Variants in FCHSD2 observed in about 807,000 individuals in gnomAD.
FCHSD2 encodes FCH and double SH3 domains 2.
FCHSD2 carries 38 observed loss-of-function variants against 108.1 expected under a neutral mutation model. That is an observed-to-expected ratio of 0.35 (90% CI 0.27 to 0.46). The LOEUF (loss-of-function observed/expected upper bound fraction) is 0.46, where lower values mean the gene tolerates loss of function less well. Among genes scored for constraint, FCHSD2 ranks in the 20% least tolerant of loss-of-function variants. The probability of loss-of-function intolerance (pLI) is 1.00; values close to 1 mark genes in which losing one functional copy is unlikely to be tolerated. For missense variants in FCHSD2, 751 were observed against 897.8 expected (o/e 0.84, Z 2.09); for synonymous variants, 279 against 314.7 (o/e 0.89, Z 1.20).
intron 13 of FCHSD2, among the ~76,000 whole-genome samples, chr11:72,861,530 T>C (rs972918434): frequency 6.6e-6 from 1 of 152,092 alleles, no homozygotes; most frequent in Admixed American, 6.5e-5. Context: ...TTTCAAATCA[T>C]TTGGAGACAA....
intron 14 of FCHSD2, among the ~76,000 whole-genome samples, chr11:72,846,970 C>T (rs1861162644): frequency 6.6e-6 from 1 of 152,018 alleles, no homozygotes; most frequent in Non-Finnish European, 1.5e-5. Context: ...TTTAATTATT[C>T]TCATTGAACT....
At chr11:72,986,904 A>C (rs1237920670) in intron 6 of FCHSD2, among the ~76,000 whole-genome samples, 1 of 152,158 alleles carries the variant, frequency 6.6e-6, no homozygotes, top group Non-Finnish European at 1.5e-5. Context: ...TTCAAAATTA[A>C]TGTTCCTTGG....
chr11:73,016,105 C>A (rs1046531127), intron 3 of FCHSD2, among the ~76,000 whole-genome samples: 3 of 152,094 alleles, frequency 2.0e-5, no homozygotes, highest in Non-Finnish European at 4.4e-5. Flanking sequence ...GAGTTTGAGA[C>A]CAGCTTGGCC....
intron 3 of FCHSD2, among the ~76,000 whole-genome samples, chr11:73,037,304 T>C (rs954215744): frequency 1.3e-5 from 2 of 152,182 alleles, no homozygotes; most frequent in Non-Finnish European, 2.9e-5. Flanking sequence ...CTGAAGTCCA[T>C]GGTTTACACT....
At chr11:72,970,268 A>G (rs1164402438) in intron 8 of FCHSD2, among the ~76,000 whole-genome samples, 2 of 152,186 alleles carry the variant, frequency 1.3e-5, no homozygotes, top group Non-Finnish European at 2.9e-5. Flanking sequence ...TTAACCAACA[A>G]TAAATATTAC....
At chr11:72,845,815 T>A (rs960465369) in intron 14 of FCHSD2, among the ~76,000 whole-genome samples, 3 of 152,210 alleles carry the variant, frequency 2.0e-5, no homozygotes, top group Non-Finnish European at 4.4e-5. Context: ...CCAGCTTCAG[T>A]ATATTTTTAT....
In FCHSD2 at chr11:72,948,200, G is replaced by A. The variant is rs145997556; in HGVS notation, c.706-26250C>T. Among the ~76,000 whole-genome samples, 1,374 of 152,160 alleles carry A rather than the reference G, an allele frequency of 9.0e-3. 16 individuals are homozygous for A. Among genetic ancestry groups the A allele is most frequent in the African/African-American group, 0.031 (1,302 of 41,506 alleles). On this transcript the variant is annotated intron_variant, in intron 8 of 19. Transcript: ENST00000409418. Reference sequence around the variant, plus strand: ...TTTTTGTATTTTTAGTAGAGATGGGGTTTTGCCATGTTGGCCAGGCTGGTC... The same window carrying A: ...TTTTTGTATTTTTAGTAGAGATGGGATTTTGCCATGTTGGCCAGGCTGGTC...
intron 5 of FCHSD2, among the ~76,000 whole-genome samples, chr11:72,993,027 A>T (rs867674476): frequency 4.6e-5 from 7 of 152,250 alleles, no homozygotes; most frequent in East Asian, 3.9e-4. Flanking sequence ...AGGGCTAATA[A>T]CCAGAATCTA....
intron 3 of FCHSD2, among the ~76,000 whole-genome samples, chr11:73,071,430 G>A (rs146880819): frequency 1.4e-3 from 209 of 151,980 alleles, no homozygotes; most frequent in African/African-American, 4.9e-3. Context: ...AGTGGCTCAC[G>A]CCTGTAATCC....
chr11:72,876,739 C>G (rs746081521), intron 12 of FCHSD2, among the ~76,000 whole-genome samples: 1 of 152,056 alleles, frequency 6.6e-6, no homozygotes, highest in Non-Finnish European at 1.5e-5. Context: ...TATTCTTGTT[C>G]TATCAATTAC....
At chr11:72,901,161 G>C (rs1251075960) in intron 10 of FCHSD2, among the ~76,000 whole-genome samples, 2 of 152,208 alleles carry the variant, frequency 1.3e-5, no homozygotes, top group Non-Finnish European at 2.9e-5. Context: ...GGAGACTAAA[G>C]TGGGTAGGTG....
chr11:73,000,762 T>C (rs1857610644), intron 5 of FCHSD2, among the ~76,000 whole-genome samples: 1 of 152,236 alleles, frequency 6.6e-6, no homozygotes, highest in Non-Finnish European at 1.5e-5. Flanking sequence ...CTAAAAAGTA[T>C]TTACTGAGCT....
chr11:73,115,518 C>T lies in FCHSD2; in HGVS notation c.119+24513G>A, dbSNP rs188264695. 2.6e-4 allele frequency among the ~76,000 whole-genome samples: 39 copies of T among 152,256 alleles called. 1 individual carries two copies. The East Asian group carries it at 5.0e-3, about 20-fold the overall frequency. ...CTTTTCCAACTCTATACTTTCGTGT[C>T]GTTTTCATGTCTTCTGGCACTGGAG... On this transcript the variant is annotated intron_variant, in intron 2 of 19. Coordinates refer to ENST00000409418, the MANE Select transcript of FCHSD2 (RefSeq NM_014824.3).
intron 10 of FCHSD2, among the ~76,000 whole-genome samples, chr11:72,894,700 T>G (rs1855384209): frequency 6.6e-6 from 1 of 152,176 alleles, no homozygotes; most frequent in Non-Finnish European, 1.5e-5. Context: ...CCCACAATTC[T>G]GAAATTCAAA....
rs1353132149 is a variant in FCHSD2 at position 72,902,939 on chromosome 11, A to G, written c.829-301T>C. 2.0e-5 allele frequency among the ~76,000 whole-genome samples: 3 copies of G among 152,180 alleles called. No individual in the cohort carries two copies. The East Asian group carries it at 5.8e-4, about 29-fold the overall frequency. On this transcript the variant is annotated intron_variant, in intron 9 of 19. Transcript: ENST00000409418. ...GAAGATAGTTTTTACACAAAAAGCT[A>G]TTCTGTGTAACACAGAATAGTGTGC...
At chr11:72,861,148 C>T (rs569276374) in intron 13 of FCHSD2, among the ~76,000 whole-genome samples, 1 of 152,140 alleles carries the variant, frequency 6.6e-6, no homozygotes, top group Non-Finnish European at 1.5e-5. Context: ...AATTAATAAA[C>T]CTCTAGCAGA....
At chr11:72,977,794 C>T (rs879621139) in intron 8 of FCHSD2, among the ~76,000 whole-genome samples, 5 of 152,170 alleles carry the variant, frequency 3.3e-5, no homozygotes, top group South Asian at 4.1e-4. Context: ...ACCATTTGAC[C>T]GAGCAATCCC....
chr11:72,967,566 A>T (rs1856934086), intron 8 of FCHSD2, among the ~76,000 whole-genome samples: 1 of 152,220 alleles, frequency 6.6e-6, no homozygotes, highest in South Asian at 2.1e-4. Context: ...TTAAGAGGAA[A>T]ATTCAGAGAC....
intron 13 of FCHSD2, among the ~76,000 whole-genome samples, chr11:72,864,664 G>T (rs1009598627): frequency 6.6e-6 from 1 of 152,172 alleles, no homozygotes; most frequent in African/African-American, 2.4e-5. Flanking sequence ...CTATTATAAG[G>T]ATGGAGCTAT....
Sources: allele counts gnomAD v4.1 joint callset (sites outside exome capture counted in the v4.1 genomes callset), GRCh38; gene constraint gnomAD v4.1.1; transcripts MANE v1.5; gene names NCBI Gene and HGNC (gene_info 2026-07-23, HGNC 2026-07-21).